The following MORN1 variants were observed in gnomAD, a reference collection of about 807,000 sequenced individuals.
MORN1 encodes MORN repeat containing 1.
In MORN1, 67 loss-of-function variants were observed where a neutral mutation model predicts 61.9. That is an observed-to-expected ratio of 1.08 (90% CI 0.89 to 1.33). MORN1 has a LOEUF of 1.33. Ranked by LOEUF, MORN1 falls within the 40% of genes most tolerant of loss-of-function variation. The pLI, the probability that MORN1 is intolerant of heterozygous loss-of-function variation, is 0.00. For synonymous variants in MORN1, 301 were observed against 292.0 expected (o/e 1.03, Z -0.31); for missense variants, 752 against 691.2 (o/e 1.09, Z -0.99).
intron 10 of MORN1, chr1:2,355,608 C>T (rs1014565413): frequency 2.8e-5 from 23 of 817,120 alleles, no homozygotes; most frequent in East Asian, 2.2e-4. Context: ...ATTCCGCTGC[C>T]GCTTTCTCCC....
chr1:2,376,253 G>C (rs1642231255), intron 6 of MORN1: 1 of 151,108 alleles, frequency 6.6e-6, no homozygotes, highest in African/African-American at 2.4e-5. Context: ...GGCATCTCTT[G>C]AGGGTCCCTT....
In MORN1 at chr1:2,374,559, T is replaced by C. The variant is rs1322784770; in HGVS notation, c.538-2A>G. ...GAAGACGTCGCTGTGCCACTGTCCCTGCAGAGAGAAGGGTGAGGCTCAGGC... is the reference window on the plus strand; with the variant it reads ...GAAGACGTCGCTGTGCCACTGTCCCCGCAGAGAGAAGGGTGAGGCTCAGGC... On this transcript the variant is annotated splice_acceptor_variant, in intron 6 of 13. Coordinates refer to ENST00000378531, the MANE Select transcript of MORN1 (RefSeq NM_024848.3). LOFTEE classifies it high-confidence loss of function. The C allele has an allele frequency of 4.4e-6, 7 of 1,583,970 alleles. No individual in the cohort carries two copies. Among genetic ancestry groups the C allele is most frequent in the East Asian group, 2.3e-5 (1 of 43,888 alleles).
chr1:2,372,552 A>C lies in MORN1; in HGVS notation c.674T>G (p.Met225Arg). ...TRIVILGPEV[M>R]EVAQGSPFSV... ...GAAGGGAGACCCTTGGGCCACTTCC[A>C]TCACCTCCGGACCCAAGATCACGAT... The change falls in exon 8 of 14, where the codon ATG (methionine) becomes AGG (arginine). Residue 225 changes from methionine (M) to arginine (R), a missense_variant. Physicochemically the swap from Met to Arg is moderately conservative, Grantham distance 91. Coordinates refer to ENST00000378531, the MANE Select transcript of MORN1 (RefSeq NM_024848.3). This position sits in a 1 kb window ranked among gnomAD's most constrained non-coding sequence, Gnocchi z 5.4. 1 of 1,612,872 alleles carries C rather than the reference A, an allele frequency of 6.2e-7. No homozygotes were observed. Among genetic ancestry groups the C allele is most frequent in the Admixed American group, 1.7e-5 (1 of 59,850 alleles).
In MORN1 at chr1:2,390,901, C is replaced by T. The variant is rs143331396; in HGVS notation, c.76+557G>A. ...GTAGCTGGAACTACAGGAGGCACCA[C>T]CCCGGGCCAATTTTTGTATTTTTTA... is the stretch of plus-strand genomic sequence containing the variant. On this transcript the variant is annotated intron_variant, in intron 1 of 13. Coordinates refer to ENST00000378531, the MANE Select transcript of MORN1 (RefSeq NM_024848.3). 3.9e-3 allele frequency: 1,108 copies of T among 280,632 alleles called. 9 individuals are homozygous for T. Among genetic ancestry groups the T allele is most frequent in the African/African-American group, 0.024 (1,048 of 43,802 alleles). The allele number at this position is 280,632 out of a possible 1,614,324, so 17.4% of individuals were successfully genotyped here.
intron 4 of MORN1, chr1:2,387,055 T>C (rs951002117): frequency 4.4e-5 from 11 of 251,310 alleles, no homozygotes; most frequent in Admixed American, 1.4e-4. Flanking sequence ...AGCCATTTAG[T>C]GACCCCACAT....
chr1:2,387,644 C>A (rs747503898), intron 3 of MORN1, 115 bp from the exon 4 acceptor site: 1 of 729,802 alleles, frequency 1.4e-6, no homozygotes, highest in Non-Finnish European at 2.4e-6. Context: ...GAATGGACGT[C>A]CCTGCCTCCA....
Position 2,341,227 on chromosome 1 carries a change from C to T in MORN1, c.1037-4377G>A, listed in dbSNP as rs144018790. On this transcript the variant is annotated intron_variant, in intron 10 of 13. Transcript: ENST00000378531. The stretch of plus-strand genomic sequence containing the variant: ...GCACACTTCCCTGTCTTGTCCCCAG[C>T]GGTCCCCAACTGGTCCTGGGCATGC... 5.4e-3 allele frequency among the ~76,000 whole-genome samples: 820 copies of T among 152,304 alleles called. 5 individuals are homozygous for T. Among genetic ancestry groups the T allele is most frequent in the South Asian group, 8.1e-3 (39 of 4,828 alleles).
At chr1:2,323,084 C>T (rs930205258) in intron 13 of MORN1, 46 of 985,282 alleles carry the variant, frequency 4.7e-5, no homozygotes, top group South Asian at 1.9e-4. Flanking sequence ...CAGGTGCCAG[C>T]GCCTAGCCGA....
intron 10 of MORN1, chr1:2,351,043 GGGTA>G (rs1475204516): frequency 6.5e-6 from 1 of 152,768 alleles, no homozygotes; most frequent in Non-Finnish European, 1.5e-5. Flanking sequence ...AGGTGGAGCA[GGGTA>G]GGAAGGCAGC....
At chr1:2,386,410 T>G (rs1157653128) in intron 4 of MORN1, 1 of 156,324 alleles carries the variant, frequency 6.4e-6, no homozygotes, top group African/African-American at 2.4e-5. Context: ...AGAGTATTTC[T>G]GCTTCTTTTG....
intron 3 of MORN1, 86 bp downstream of exon 3, chr1:2,388,153 C>G: frequency 9.6e-7 from 1 of 1,046,132 alleles, no homozygotes; most frequent in South Asian, 1.3e-5. Context: ...CTACACGTCA[C>G]GCCTTCTGCA....
At chr1:2,322,577 G>T (rs1233275711) in intron 13 of MORN1, 6 of 985,118 alleles carry the variant, frequency 6.1e-6, no homozygotes, top group Non-Finnish European at 7.2e-6. Context: ...ACACGGTTCT[G>T]GGGGGCCTCG....
chr1:2,366,220 C>T (rs1162817866), intron 8 of MORN1, among the ~76,000 whole-genome samples: 4 of 150,676 alleles, frequency 2.7e-5, no homozygotes, highest in Non-Finnish European at 5.9e-5. Flanking sequence ...AGTAAACTAT[C>T]GCAAGAACAA....
chr1:2,388,281 C>G lies in MORN1; in HGVS notation c.205G>C (p.Gly69Arg), dbSNP rs142433202. 4 of 1,613,978 alleles carry G rather than the reference C, an allele frequency of 2.5e-6. No individual in the cohort carries two copies. The Admixed American group carries it at 6.7e-5, about 27-fold the overall frequency. ...GSYYEGAFVDGEITGEGRRHW... is the reference protein window; with the variant it reads ...GSYYEGAFVDREITGEGRRHW... Reference sequence around the variant, plus strand: ...CGGCGGCCTTCTCCCGTGATCTCTCCGTCCACAAACGCCCCTTCGTAATAA... The same window carrying G: ...CGGCGGCCTTCTCCCGTGATCTCTCGGTCCACAAACGCCCCTTCGTAATAA... Residue 69 changes from glycine (G) to arginine (R), a missense_variant, in exon 3 of 14, where the codon GGA becomes CGA. Physicochemically the swap from Gly to Arg is moderately radical, Grantham distance 125 (BLOSUM62 -2). Coordinates refer to ENST00000378531, the MANE Select transcript of MORN1 (RefSeq NM_024848.3).
intron 3 of MORN1, 47 bp from the exon 4 acceptor site, chr1:2,387,576 C>A (rs754622883): frequency 7.0e-7 from 1 of 1,420,210 alleles, no homozygotes; most frequent in South Asian, 1.1e-5. Flanking sequence ...CAGTTCAGGG[C>A]TGCGGCCCCA....
At chr1:2,378,818 T>TGG in intron 6 of MORN1, 1 of 421,336 alleles carries the variant, frequency 2.4e-6, no homozygotes, top group Non-Finnish European at 4.7e-6. Flanking sequence ...ACTAGGAGTG[T>TGG]GGGGGACGGA....
chr1:2,327,724 G>C (rs1294997343), intron 12 of MORN1, among the ~76,000 whole-genome samples: 7 of 152,220 alleles, frequency 4.6e-5, no homozygotes, highest in Non-Finnish European at 1.0e-4. Context: ...CAGGCGCGGC[G>C]GGCAGGCGGC....
chr1:2,378,634 C>A, intron 6 of MORN1: 1 of 296,006 alleles, frequency 3.4e-6, no homozygotes, highest in African/African-American at 2.2e-5. Context: ...GCTGATACAG[C>A]CAGGGATGCC....
chr1:2,349,999 G>A lies in MORN1; in HGVS notation c.1036+7433C>T, dbSNP rs543153453. On this transcript the variant is annotated intron_variant, in intron 10 of 13. Coordinates refer to ENST00000378531, the MANE Select transcript of MORN1 (RefSeq NM_024848.3). ...TTGTTTGAGGCGCTGGGGCCCAGCC[G>A]GCCTGACAATGTACACCCGCCATGG... Among the ~76,000 whole-genome samples, 284 of 152,280 alleles carry A rather than the reference G, an allele frequency of 1.9e-3. 3 individuals carry two copies. The highest frequency in any genetic ancestry group is 8.1e-4 in the Non-Finnish European group (55 of 68,020).
Sources: allele counts gnomAD v4.1 joint callset (sites outside exome capture counted in the v4.1 genomes callset), GRCh38; gene constraint gnomAD v4.1.1; non-coding constraint Gnocchi (gnomAD v3.1); transcripts MANE v1.5; gene names NCBI Gene and HGNC (gene_info 2026-07-23, HGNC 2026-07-21).